ADGB: variants seen among roughly 807,000 people sequenced by gnomAD.
The protein encoded by ADGB is androglobin.
A neutral mutation model predicts 210.5 loss-of-function variants in ADGB; 172 were observed. The ratio of observed to expected loss-of-function variants is 0.82; its 90% CI spans 0.72 to 0.93. The LOEUF (loss-of-function observed/expected upper bound fraction) is 0.93. Among genes scored for constraint, ADGB ranks in the 40% least tolerant of loss-of-function variants. The pLI is 0.00. For synonymous variants in ADGB, 658 were observed against 662.7 expected, an observed-to-expected ratio of 0.99 and a Z score of 0.11; for missense variants, 2,025 against 1,964.8, an observed-to-expected ratio of 1.03 and a Z score of -0.58.
chr6:146,754,779 T>C (rs1777383176), intron 27 of ADGB, among the ~76,000 whole-genome samples: 1 of 152,034 alleles, frequency 6.6e-6, no homozygotes, highest in Non-Finnish European at 1.5e-5. Context: ...GTTTTTCCAG[T>C]TTCCTGATTC....
chr6:146,717,033 T>A lies in ADGB; in HGVS notation c.1892T>A (p.Ile631Lys). Residue 631 changes from isoleucine to lysine, a missense_variant, in exon 15 of 36, where the codon ATA becomes AAA. Ile to Lys is a moderately radical substitution (Grantham distance 102). Coordinates refer to ENST00000397944, the MANE Select transcript of ADGB (RefSeq NM_024694.4). ...PTTNNSVSKE[I>K]WLDFEDFCVC... ...ACAAATAATAGTGTTTCTAAAGAAA[T>A]ATGGTTAGATTTTGAAGATTTCTGT... The A allele has an allele frequency of 6.4e-7, 1 of 1,551,470 alleles. No individual in the cohort carries two copies. The highest frequency in any genetic ancestry group is 8.7e-7 in the Non-Finnish European group (1 of 1,146,856).
chr6:146,757,547 G>A (rs1777425467), intron 27 of ADGB, among the ~76,000 whole-genome samples: 1 of 151,610 alleles, frequency 6.6e-6, no homozygotes, highest in South Asian at 2.1e-4. Context: ...ACTAGTTACT[G>A]TACAATACCC....
At position 146,815,301 on chromosome 6, in the gene ADGB, A is replaced by C. The variant is rs1405754583; in HGVS notation, c.*84A>C. The C allele has an allele frequency of 9.5e-7, 1 of 1,054,186 alleles. No homozygotes were observed. The highest frequency in any genetic ancestry group is 1.3e-6 in the Non-Finnish European group (1 of 786,890). The allele number at this position is 1,054,186 out of a possible 1,614,324, so 65.3% of individuals were successfully genotyped here. ...TTTAACTGCCTGCTGTTAAGATATT[A>C]GGCCAAATGAAAATAGAAATTTCTC... On this transcript the variant is annotated 3_prime_UTR_variant, in exon 36 of 36. Coordinates refer to ENST00000397944, the MANE Select transcript of ADGB (RefSeq NM_024694.4).
intron 35 of ADGB, among the ~76,000 whole-genome samples, chr6:146,809,591 G>C (rs1372896729): frequency 1.3e-5 from 2 of 152,092 alleles, no homozygotes; most frequent in African/African-American, 2.4e-5. Context: ...ATCCACCCAT[G>C]TCAGCTTGCT....
At chr6:146,709,304 G>A (rs1395437394) in intron 13 of ADGB, among the ~76,000 whole-genome samples, 3 of 152,014 alleles carry the variant, frequency 2.0e-5, no homozygotes, top group Admixed American at 1.3e-4. Flanking sequence ...TTGTAACCAC[G>A]AGTTGGTGTC....
At chr6:146,691,875 T>C (rs186758091) in intron 11 of ADGB, among the ~76,000 whole-genome samples, 94 of 151,958 alleles carry the variant, frequency 6.2e-4, no homozygotes, top group Non-Finnish European at 1.1e-3. Flanking sequence ...TGTTTGTTTT[T>C]TCCTTCCTTC....
chr6:146,672,222 C>T lies in ADGB; in HGVS notation c.842C>T (p.Pro281Leu), dbSNP rs751742608. ...GWLPEVISLH[P>L]GYMDKVWELL... The stretch of plus-strand genomic sequence containing the variant: ...AATGTTTTTGTCTTTTCTCTTAGCC[C>T]GGGATATATGGACAAAGTTTGGGAG... Residue 281 changes from proline (P) to leucine (L), a missense_variant and splice_region_variant, in exon 8 of 36, where the codon CCG becomes CTG. Coordinates refer to ENST00000397944, the MANE Select transcript of ADGB (RefSeq NM_024694.4). 47 of 1,488,574 alleles carry T rather than the reference C, an allele frequency of 3.2e-5. No homozygotes were observed. The highest frequency in any genetic ancestry group is 1.9e-4 in the Admixed American group (8 of 41,308). 92.2% of individuals were successfully genotyped at this position (1,488,574 alleles called of 1,614,324 possible). A position where few individuals can be genotyped will look rare whatever the true frequency, so the allele number is the denominator to read the frequency against.
At chr6:146,780,208 C>T (rs1287173790) in intron 29 of ADGB, among the ~76,000 whole-genome samples, 1 of 151,616 alleles carries the variant, frequency 6.6e-6, no homozygotes, top group East Asian at 1.9e-4. Flanking sequence ...CCCCAAGCAA[C>T]CACTAAGAAA....
chr6:146,656,511 A>C (rs1775783447), intron 4 of ADGB, among the ~76,000 whole-genome samples: 1 of 152,150 alleles, frequency 6.6e-6, no homozygotes, highest in Admixed American at 6.6e-5. Context: ...CAAATCACCC[A>C]CAGTTTACTT....
At chr6:146,726,055 G>A (rs752154918) in intron 18 of ADGB, 28 bp from the exon 19 acceptor site, 177 of 1,439,802 alleles carry the variant, frequency 1.2e-4, no homozygotes, top group Non-Finnish European at 1.6e-4. Flanking sequence ...GAAGCACTCG[G>A]TTATCATCCG....
At chr6:146,782,271 G>A in intron 30 of ADGB, 79 bp downstream of exon 30, 4 of 1,321,808 alleles carry the variant, frequency 3.0e-6, no homozygotes, top group East Asian at 2.7e-5. Flanking sequence ...TCTCGTCTGA[G>A]GACAAAACCG....
chr6:146,657,377 T>C (rs767395392), intron 5 of ADGB, among the ~76,000 whole-genome samples: 4 of 151,312 alleles, frequency 2.6e-5, no homozygotes, highest in Non-Finnish European at 4.4e-5. Flanking sequence ...GAAAGGAAGG[T>C]TGCCTTGCAC....
chr6:146,702,573 A>G (rs1007952332), intron 13 of ADGB, among the ~76,000 whole-genome samples: 2 of 151,842 alleles, frequency 1.3e-5, no homozygotes, highest in Admixed American at 1.3e-4. Context: ...TTTTAATGTA[A>G]ATGCAAAGAA....
intron 27 of ADGB, among the ~76,000 whole-genome samples, chr6:146,753,012 G>A (rs1436736344): frequency 2.0e-5 from 3 of 151,444 alleles, no homozygotes; most frequent in Non-Finnish European, 2.9e-5. Context: ...TTTTAAATTC[G>A]TAATTCATTA....
intron 25 of ADGB, among the ~76,000 whole-genome samples, chr6:146,744,357 T>A (rs751617626): frequency 3.3e-5 from 5 of 152,190 alleles, no homozygotes; most frequent in Non-Finnish European, 7.3e-5. Context: ...TCCTGACCCA[T>A]ACGAAATTCA....
chr6:146,692,062 G>T (rs944501663), intron 11 of ADGB, among the ~76,000 whole-genome samples: 2 of 152,048 alleles, frequency 1.3e-5, no homozygotes, highest in Non-Finnish European at 2.9e-5. Context: ...AATTTGCAGA[G>T]CTTCTTAAAA....
chr6:146,624,978 T>A (rs889491140), intron 1 of ADGB, among the ~76,000 whole-genome samples: 2 of 152,028 alleles, frequency 1.3e-5, no homozygotes, highest in African/African-American at 2.4e-5. Context: ...AGACATTCTA[T>A]GTATTAAATT....
intron 5 of ADGB, among the ~76,000 whole-genome samples, chr6:146,662,956 C>T (rs1775883579): frequency 6.9e-6 from 1 of 145,684 alleles, no homozygotes; most frequent in Non-Finnish European, 1.5e-5. Context: ...ATATATTACA[C>T]ATATAAATAT....
Position 146,617,574 on chromosome 6 carries a change from G to T in ADGB, c.75-17801G>T, listed in dbSNP as rs192079962. 7.7e-4 allele frequency among the ~76,000 whole-genome samples: 117 copies of T among 151,990 alleles called. 2 individuals are homozygous for T. The highest frequency in any genetic ancestry group is 6.5e-3 in the Admixed American group (100 of 15,268). ...CCTATTTAGTATGATGCTAGCTGTG[G>T]GTTTGTTATATGTGACCTTCATTGT... On this transcript the variant is annotated intron_variant, in intron 1 of 35. Coordinates refer to ENST00000397944, the MANE Select transcript of ADGB (RefSeq NM_024694.4).
Sources: gnomAD v4.1 joint callset for allele counts (sites outside exome capture counted in the v4.1 genomes callset) on GRCh38, gnomAD v4.1.1 for gene constraint, MANE v1.5 for transcripts, NCBI Gene and HGNC (gene_info 2026-07-23, HGNC 2026-07-21) for gene names.